SLC2A13: variants seen among roughly 807,000 people sequenced by gnomAD.
SLC2A13 encodes the protein solute carrier family 2 member 13, also known as proton myo-inositol cotransporter.
In SLC2A13, 32 loss-of-function variants were observed where a neutral mutation model predicts 64.4. That is an observed-to-expected ratio of 0.50 (90% CI 0.37 to 0.67). The LOEUF (loss-of-function observed/expected upper bound fraction) is 0.67. Among genes scored for constraint, SLC2A13 ranks in the 30% least tolerant of loss-of-function variants. The probability of loss-of-function intolerance (pLI) is 0.00; values close to 1 mark genes in which losing one functional copy is unlikely to be tolerated. For synonymous variants in SLC2A13, 338 were observed against 327.1 expected (o/e 1.03, Z -0.36); for missense variants, 743 against 829.2 (o/e 0.90, Z 1.28).
intron 4 of SLC2A13, among the ~76,000 whole-genome samples, chr12:39,880,708 A>G (rs79271501): frequency 0.013 from 2,008 of 152,308 alleles, 20 homozygotes; most frequent in Non-Finnish European, 0.021. Flanking sequence ...ACATATGCCA[A>G]TGTTGCCAAT....
At chr12:39,805,418 G>T (rs1158109733) in intron 7 of SLC2A13, among the ~76,000 whole-genome samples, 1 of 152,052 alleles carries the variant, frequency 6.6e-6, no homozygotes, top group African/African-American at 2.4e-5. Flanking sequence ...TAAGGAAGTG[G>T]GAATCTGGGT....
At chr12:40,036,739 G>A (rs904328611) in intron 2 of SLC2A13, among the ~76,000 whole-genome samples, 3 of 152,120 alleles carry the variant, frequency 2.0e-5, no homozygotes, top group African/African-American at 4.8e-5. Flanking sequence ...CTTTGAGATA[G>A]TTTAGCAATT....
intron 4 of SLC2A13, among the ~76,000 whole-genome samples, chr12:39,946,744 G>T (rs1332300135): frequency 1.3e-5 from 2 of 152,332 alleles, no homozygotes; most frequent in South Asian, 4.1e-4. Context: ...GTTTCCAGGC[G>T]GAGGGCGAGA....
chr12:40,067,248 C>G (rs1937766348), intron 1 of SLC2A13, among the ~76,000 whole-genome samples: 1 of 152,156 alleles, frequency 6.6e-6, no homozygotes, highest in East Asian at 1.9e-4. Context: ...TGTGCTCAGG[C>G]TGGAGTACAG....
chr12:40,104,735 G>T (rs547160505), intron 1 of SLC2A13, among the ~76,000 whole-genome samples: 1 of 152,316 alleles, frequency 6.6e-6, no homozygotes, highest in Non-Finnish European at 1.5e-5. Flanking sequence ...GGCAGGGGTC[G>T]CTAATAAACC....
At chr12:39,793,033 TA>T (rs1379292533) in intron 7 of SLC2A13, among the ~76,000 whole-genome samples, 1 of 152,166 alleles carries the variant, frequency 6.6e-6, no homozygotes, top group Non-Finnish European at 1.5e-5. Context: ...CCTTGGGTCA[TA>T]AAGATATAAA....
chr12:39,959,781 T>C (rs1323681026), intron 3 of SLC2A13, among the ~76,000 whole-genome samples: 2 of 152,300 alleles, frequency 1.3e-5, no homozygotes, highest in Middle Eastern at 3.4e-3. Flanking sequence ...AAAGAGGAAG[T>C]ATCCTTTCTA....
intron 7 of SLC2A13, among the ~76,000 whole-genome samples, chr12:39,814,761 AT>A (rs1198192711): frequency 6.6e-6 from 1 of 152,208 alleles, no homozygotes; most frequent in Non-Finnish European, 1.5e-5. Context: ...GAAATTTTAA[AT>A]TTCACATTTG....
chr12:39,901,481 A>C lies in SLC2A13; in HGVS notation c.1035-29520T>G, dbSNP rs574157922. Among the ~76,000 whole-genome samples the C allele has an allele frequency of 7.0e-3, 961 of 136,496 alleles. 13 individuals are homozygous for C. Among genetic ancestry groups the C allele is most frequent in the African/African-American group, 0.024 (895 of 36,638 alleles). 89.5% of individuals were successfully genotyped at this position (136,496 alleles called of 152,430 possible). A position where few individuals can be genotyped will look rare whatever the true frequency, so the allele number is the denominator to read the frequency against. On this transcript the variant is annotated intron_variant, in intron 4 of 9. Transcript: ENST00000280871. Reference sequence around the variant, plus strand: ...AATATCCAGAATCTACAATGAACTCAAACAAATTTACAAGAAAAAAACAAA... The same window carrying C: ...AATATCCAGAATCTACAATGAACTCCAACAAATTTACAAGAAAAAAACAAA...
rs28370807 is a variant in SLC2A13, at chr12:39,977,028, G to A, written c.926-25663C>T. Among the ~76,000 whole-genome samples the A allele has an allele frequency of 3.3e-5, 5 of 152,072 alleles. No individual in the cohort carries two copies. In the South Asian group the frequency reaches 6.2e-4, roughly 19 times the overall value. On this transcript the variant is annotated intron_variant, in intron 3 of 9. Transcript: ENST00000280871. Reference sequence around the variant, plus strand: ...GAAGGAAAGCATGAAAACAACATACGTACTTTAAGCTAAATGACTGGATTT... The same window carrying A: ...GAAGGAAAGCATGAAAACAACATACATACTTTAAGCTAAATGACTGGATTT...
intron 7 of SLC2A13, among the ~76,000 whole-genome samples, chr12:39,781,500 T>A (rs999588308): frequency 6.6e-6 from 1 of 152,236 alleles, no homozygotes; most frequent in Non-Finnish European, 1.5e-5. Context: ...AATACATATT[T>A]GTTTAATGAA....
intron 4 of SLC2A13, among the ~76,000 whole-genome samples, chr12:39,942,692 G>A (rs11559994): frequency 0.2 from 30,397 of 151,990 alleles, 3,227 homozygotes; most frequent in Middle Eastern, 0.24. Flanking sequence ...TCCTTGCATC[G>A]GGTGAGAACA....
At chr12:39,923,963 C>T (rs1047731598) in intron 4 of SLC2A13, among the ~76,000 whole-genome samples, 10 of 151,902 alleles carry the variant, frequency 6.6e-5, no homozygotes, top group African/African-American at 1.9e-4. Context: ...ATTCTTTTCA[C>T]TAAAATAATA....
chr12:40,081,816 T>A (rs1195745056), intron 1 of SLC2A13, among the ~76,000 whole-genome samples: 1 of 152,212 alleles, frequency 6.6e-6, no homozygotes, highest in Non-Finnish European at 1.5e-5. Flanking sequence ...TGATGTTTCT[T>A]TAATCTTTAA....
intron 4 of SLC2A13, among the ~76,000 whole-genome samples, chr12:39,892,381 T>A (rs566189626): frequency 3.3e-5 from 5 of 152,328 alleles, no homozygotes; most frequent in African/African-American, 9.6e-5. Flanking sequence ...TGGAACTGTC[T>A]GGCCCGGCCA....
intron 1 of SLC2A13, among the ~76,000 whole-genome samples, chr12:40,051,107 T>C (rs1948246013): frequency 6.6e-6 from 1 of 152,096 alleles, no homozygotes; most frequent in Non-Finnish European, 1.5e-5. Flanking sequence ...TGAAGGAAAG[T>C]ACACACAAGA....
intron 1 of SLC2A13, among the ~76,000 whole-genome samples, chr12:40,086,117 G>A (rs1938580680): frequency 6.6e-6 from 1 of 152,196 alleles, no homozygotes; most frequent in Non-Finnish European, 1.5e-5. Context: ...GATTACAGGT[G>A]TGAGCCATCG....
At chr12:39,913,915 CT>C (rs757558700) in intron 4 of SLC2A13, among the ~76,000 whole-genome samples, 2 of 151,900 alleles carry the variant, frequency 1.3e-5, no homozygotes, top group Non-Finnish European at 2.9e-5. Flanking sequence ...TTACTCATTC[CT>C]TTCAAGAATA....
At chr12:39,763,831 A>G (rs988456381) in intron 9 of SLC2A13, among the ~76,000 whole-genome samples, 4 of 152,160 alleles carry the variant, frequency 2.6e-5, no homozygotes, top group East Asian at 1.9e-4. Context: ...ACTAAGCACT[A>G]TTGTTTTTCA....
Sources: gnomAD v4.1 joint callset for allele counts (sites outside exome capture counted in the v4.1 genomes callset) on GRCh38, gnomAD v4.1.1 for gene constraint, MANE v1.5 for transcripts, NCBI Gene and HGNC (gene_info 2026-07-23, HGNC 2026-07-21) for gene names.